Variants in IFIH1 observed in about 807,000 individuals in gnomAD.
The protein encoded by IFIH1 is interferon-induced helicase C domain-containing protein 1.
IFIH1 carries 125 observed loss-of-function variants against 107.4 expected under a neutral mutation model. The observed-to-expected ratio is 1.16, with a 90% CI of 1.01 to 1.35. IFIH1 has a LOEUF of 1.35. Ranked by LOEUF, IFIH1 falls within the 40% of genes most tolerant of loss-of-function variation. The pLI is 0.00. For synonymous variants in IFIH1, 458 were observed against 413.2 expected (o/e 1.11, Z -1.31); for missense variants, 1,333 against 1,213.7 (o/e 1.10, Z -1.46).
chr2:162,285,182 A>G (rs1558868716), intron 5 of IFIH1, among the ~76,000 whole-genome samples: 1 of 152,000 alleles, frequency 6.6e-6, no homozygotes, highest in Non-Finnish European at 1.5e-5. Flanking sequence ...GCTGAATCAT[A>G]TGGGGCTGCA....
chr2:162,279,745 G>A (rs898963668), intron 8 of IFIH1, among the ~76,000 whole-genome samples: 1 of 151,838 alleles, frequency 6.6e-6, no homozygotes, highest in Non-Finnish European at 1.5e-5. Context: ...GCCCCTCACT[G>A]TCCCTTTTAA....
At chr2:162,281,224 T>C (rs1576226510) in intron 7 of IFIH1, 104 bp downstream of exon 7, 2 of 797,924 alleles carry the variant, frequency 2.5e-6, no homozygotes, top group Admixed American at 5.3e-5. Flanking sequence ...TTCACTTAAC[T>C]GATGATCACA....
Position 162,277,679 on chromosome 2 carries a change from T to C in IFIH1, c.1780A>G (p.Asn594Asp). The change falls in exon 10 of 16, where the codon AAT (asparagine) becomes GAT (aspartate). Residue 594 changes from asparagine (N) to aspartate (D), a missense_variant. Physicochemically the swap from Asn to Asp is conservative, Grantham distance 23. Transcript: ENST00000649979. The stretch of plus-strand genomic sequence containing the variant: ...TCTGCACAAACACGTTCTTTGCGAT[T>C]TCCTTCTTTTGCAGCTGTGAAAAAA... The part of the protein sequence containing the change: ...QMEKKAAKEG[N>D]RKERVCAEHL... The C allele has an allele frequency of 1.2e-6, 2 of 1,603,230 alleles. No homozygotes were observed. Among genetic ancestry groups the C allele is most frequent in the Non-Finnish European group, 1.7e-6 (2 of 1,175,180 alleles).
chr2:162,293,626 T>A lies in IFIH1; in HGVS notation c.812A>T (p.Asp271Val), dbSNP rs1323427075. The A allele has an allele frequency of 2.5e-6, 4 of 1,611,972 alleles. No homozygotes were observed. In the East Asian group the frequency reaches 8.9e-5, roughly 36 times the overall value. Reference sequence around the variant, plus strand: ...GTTGCTGTTATGTCCAAGACTTTCATCTAAGCAGCTGACACTTCCTTCTGC... The same window carrying A: ...GTTGCTGTTATGTCCAAGACTTTCAACTAAGCAGCTGACACTTCCTTCTGC... Reference protein sequence around the residue: ...SLAEGSVSCLDESLGHNSNMG... With the variant: ...SLAEGSVSCLVESLGHNSNMG... Residue 271 changes from aspartate (D) to valine (V), a missense_variant, in exon 4 of 16, where the codon GAT becomes GTT. Transcript: ENST00000649979.
intron 7 of IFIH1, 57 bp downstream of exon 7, chr2:162,281,271 G>T: frequency 7.5e-7 from 1 of 1,341,866 alleles, no homozygotes; most frequent in Non-Finnish European, 1.1e-6. Flanking sequence ...AGACCAAGAA[G>T]TCCTGGCATT....
intron 3 of IFIH1, among the ~76,000 whole-genome samples, chr2:162,304,680 G>T (rs916143176): frequency 6.6e-6 from 1 of 152,092 alleles, no homozygotes; most frequent in African/African-American, 2.4e-5. Flanking sequence ...AAAACAAAGA[G>T]AATGAATTTG....
chr2:162,306,941 C>A, intron 2 of IFIH1, 86 bp from the exon 3 acceptor site: 1 of 1,186,066 alleles, frequency 8.4e-7, no homozygotes, highest in Non-Finnish European at 1.2e-6. Flanking sequence ...ATTTTGAAAA[C>A]AAACTAGAGG....
intron 2 of IFIH1, among the ~76,000 whole-genome samples, chr2:162,307,670 CG>C (rs1261209890): frequency 6.6e-6 from 1 of 152,076 alleles, no homozygotes; most frequent in Non-Finnish European, 1.5e-5. Context: ...AATTTTCTAA[CG>C]TATCATTTTT....
intron 5 of IFIH1, among the ~76,000 whole-genome samples, chr2:162,284,293 A>G (rs1430771714): frequency 6.6e-6 from 1 of 151,982 alleles, no homozygotes; most frequent in African/African-American, 2.4e-5. Flanking sequence ...TAGTGGAAAG[A>G]GACAGCATGA....
At position 162,277,659 on chromosome 2, in the gene IFIH1, A is replaced by C; in HGVS notation, c.1800T>G (p.Cys600Trp). The C allele has an allele frequency of 6.2e-7, 1 of 1,609,850 alleles. No individual in the cohort carries two copies. Among genetic ancestry groups the C allele is most frequent in the South Asian group, 1.1e-5 (1 of 90,078 alleles). The change falls in exon 10 of 16, where the codon TGT (cysteine) becomes TGG (tryptophan). Residue 600 changes from cysteine (C) to tryptophan (W), a missense_variant. Coordinates refer to ENST00000649979, the MANE Select transcript of IFIH1 (RefSeq NM_022168.4). Reference sequence around the variant, plus strand: ...CATTGTACTTCCTCAAATGTTCTGCACAAACACGTTCTTTGCGATTTCCTT... The same window carrying C: ...CATTGTACTTCCTCAAATGTTCTGCCCAAACACGTTCTTTGCGATTTCCTT... ...AKEGNRKERVCAEHLRKYNEA... is the reference protein window; with the variant it reads ...AKEGNRKERVWAEHLRKYNEA...
intron 2 of IFIH1, among the ~76,000 whole-genome samples, chr2:162,308,649 A>T (rs796429963): frequency 2.0e-5 from 3 of 152,186 alleles, no homozygotes; most frequent in Non-Finnish European, 4.4e-5. Context: ...AAGTGCTGGG[A>T]TTACAGGCGT....
intron 5 of IFIH1, among the ~76,000 whole-genome samples, chr2:162,285,601 T>C (rs1324483441): frequency 1.3e-5 from 2 of 151,902 alleles, no homozygotes; most frequent in Non-Finnish European, 1.5e-5. Context: ...CAATAAGGAA[T>C]TAGAGTCAAG....
chr2:162,280,925 C>T (rs973120299), intron 7 of IFIH1, among the ~76,000 whole-genome samples: 9 of 151,986 alleles, frequency 5.9e-5, no homozygotes, highest in Non-Finnish European at 1.2e-4. Flanking sequence ...CCTAGAATAA[C>T]ATATGAAGGA....
Position 162,310,792 on chromosome 2 carries a change from CTGTTAACTCTTGGACAAGT to C in IFIH1, c.576_594del (p.Leu193AlafsTer56). The C allele has an allele frequency of 6.2e-7, 1 of 1,613,804 alleles. No individual in the cohort carries two copies. The highest frequency in any genetic ancestry group is 8.5e-7 in the Non-Finnish European group (1 of 1,179,824). On this transcript the variant is annotated frameshift_variant, in exon 2 of 16. Transcript: ENST00000649979. LOFTEE classifies it high-confidence loss of function. ...GCATTGCTTTCTGAGCAATCAGAGC[CTGTTAACTCTTGGACAAGT>C]TCATTGTTTCCTGTTTGACGAAGAA...
chr2:162,288,216 C>T lies in IFIH1; in HGVS notation c.1014G>A (p.Val338=). 6.2e-7 allele frequency: 1 copy of T among 1,612,774 alleles called. No individual in the cohort carries two copies. Among genetic ancestry groups the T allele is most frequent in the Non-Finnish European group, 8.5e-7 (1 of 1,179,232 alleles). ...CLPTGSGKTR[V]AVYIAKDHLD... is the part of the protein sequence containing the mutation. ...AGTGATCCTTGGCAATGTAAACAGCCACTCTGGTTTTTCCACTCCCTGTAG... is the reference window on the plus strand; with the variant it reads ...AGTGATCCTTGGCAATGTAAACAGCTACTCTGGTTTTTCCACTCCCTGTAG... Residue 338 remains valine (V), a synonymous_variant, in exon 5 of 16, where the codon GTG becomes GTA. Coordinates refer to ENST00000649979, the MANE Select transcript of IFIH1 (RefSeq NM_022168.4).
rs74531544 is a variant in IFIH1, at chr2:162,316,568, A to G, written c.453+1287T>C. Among the ~76,000 whole-genome samples, 61 of 152,348 alleles carry G rather than the reference A, an allele frequency of 4.0e-4. 1 individual carries two copies. In the East Asian group the frequency reaches 0.012, roughly 29 times the overall value. Reference sequence around the variant, plus strand: ...AGATCACTAACTTTATTCACTAAAGACTAAATTGCATCATAGGCTATAGCA... The same window carrying G: ...AGATCACTAACTTTATTCACTAAAGGCTAAATTGCATCATAGGCTATAGCA... On this transcript the variant is annotated intron_variant, in intron 1 of 15. Coordinates refer to ENST00000649979, the MANE Select transcript of IFIH1 (RefSeq NM_022168.4).
rs137869909 is a variant in IFIH1, at chr2:162,305,868, T to A, written c.769+841A>T. On this transcript the variant is annotated intron_variant, in intron 3 of 15. Coordinates refer to ENST00000649979, the MANE Select transcript of IFIH1 (RefSeq NM_022168.4). ...GCATCTGTACGGTGGGAATGCTGTA[T>A]AAAGATGTGCCACTGCACAGCTCTT... Among the ~76,000 whole-genome samples, 43 of 152,346 alleles carry A rather than the reference T, an allele frequency of 2.8e-4. No homozygotes were observed. In the East Asian group the frequency reaches 7.9e-3, roughly 28 times the overall value.
In IFIH1 at chr2:162,267,486, C is replaced by A; in HGVS notation, c.2891G>T (p.Cys964Phe). The change falls in exon 15 of 16, where the codon TGT becomes TTT. Residue 964 changes from cysteine to phenylalanine, a missense_variant. Physicochemically the swap from Cys to Phe is radical, Grantham distance 205 (BLOSUM62 -2). Transcript: ENST00000649979. Reference sequence around the variant, plus strand: ...CCACAGCAATTTACTCACCTGGCCACATTTGCAGATGATTTCACCATTTAT... The same window carrying A: ...CCACAGCAATTTACTCACCTGGCCAAATTTGCAGATGATTTCACCATTTAT... ...YQINGEIICK[C>F]GQAWGTMMVH... 2 of 1,613,612 alleles carry A rather than the reference C, an allele frequency of 1.2e-6. No individual in the cohort carries two copies. The highest frequency in any genetic ancestry group is 1.3e-5 in the African/African-American group (1 of 75,056).
rs1266523718 is a variant in IFIH1 at position 162,318,551 on chromosome 2, C to G, written c.-244G>C. On this transcript the variant is annotated 5_prime_UTR_variant, in exon 1 of 16. Transcript: ENST00000649979. ...GGGCGGCGCGCGGGGCCGCGGCAGG[C>G]AGGTGCGGCCGGCAGGCGCGGCACT... 1 of 271,198 alleles carries G rather than the reference C, an allele frequency of 3.7e-6. No homozygotes were observed. The highest frequency in any genetic ancestry group is 5.5e-5 in the Admixed American group (1 of 18,288). The allele number at this position is 271,198 out of a possible 1,614,324, so 16.8% of individuals were successfully genotyped here.
Sources: gnomAD v4.1 joint callset for allele counts (sites outside exome capture counted in the v4.1 genomes callset) on GRCh38, gnomAD v4.1.1 for gene constraint, MANE v1.5 for transcripts, NCBI Gene and HGNC (gene_info 2026-07-23, HGNC 2026-07-21) for gene names.